The following FHIT variants were observed in gnomAD, a reference collection of about 807,000 sequenced individuals.
The protein encoded by FHIT is bis(5'-adenosyl)-triphosphatase.
FHIT carries 19 observed loss-of-function variants against 17.9 expected under a neutral mutation model. The observed-to-expected ratio is 1.06, with a 90% CI of 0.74 to 1.56. The LOEUF (loss-of-function observed/expected upper bound fraction) is 1.56. Among genes scored for constraint, FHIT ranks in the 40% most tolerant of loss-of-function variants. FHIT has a pLI of 0.00. For synonymous variants in FHIT, 81 were observed against 69.7 expected, an observed-to-expected ratio of 1.16 and a Z score of -0.81; for missense variants, 248 against 189.2, an observed-to-expected ratio of 1.31 and a Z score of -1.82.
At chr3:60,190,687 C>T (rs1559713387) in intron 5 of FHIT, among the ~76,000 whole-genome samples, 1 of 152,006 alleles carries the variant, frequency 6.6e-6, no homozygotes, top group Admixed American at 6.5e-5. Context: ...ATGGGTGCAG[C>T]ACACCAGCAT....
intron 5 of FHIT, among the ~76,000 whole-genome samples, chr3:60,469,099 C>T (rs1186722074): frequency 1.3e-5 from 2 of 151,978 alleles, no homozygotes; most frequent in Non-Finnish European, 2.9e-5. Flanking sequence ...CTTTCTTTAT[C>T]TTTGACCTTT....
intron 7 of FHIT, among the ~76,000 whole-genome samples, chr3:59,970,091 C>G (rs988783259): frequency 6.6e-6 from 1 of 151,990 alleles, no homozygotes; most frequent in South Asian, 2.1e-4. Context: ...AACCATAGTT[C>G]CCAGCTAACA....
At chr3:60,237,988 T>TA (rs199591080) in intron 5 of FHIT, among the ~76,000 whole-genome samples, 1,809 of 150,900 alleles carry the variant, frequency 0.012, 16 homozygotes, top group Middle Eastern at 0.037. Flanking sequence ...ATAATAATAA[T>TA]AAAAAAAATC....
chr3:60,383,998 G>A (rs1700907094), intron 5 of FHIT, among the ~76,000 whole-genome samples: 1 of 152,150 alleles, frequency 6.6e-6, no homozygotes, highest in African/African-American at 2.4e-5. Context: ...GACAGGCGCA[G>A]GTGGCCCATG....
At chr3:61,004,945 T>C (rs2031341497) in intron 3 of FHIT, among the ~76,000 whole-genome samples, 1 of 152,218 alleles carries the variant, frequency 6.6e-6, no homozygotes, top group Non-Finnish European at 1.5e-5. Flanking sequence ...TATTTTTCAT[T>C]ATACAATTCA....
intron 8 of FHIT, among the ~76,000 whole-genome samples, chr3:59,802,919 G>C (rs1025874560): frequency 6.6e-6 from 1 of 152,102 alleles, no homozygotes; most frequent in African/African-American, 2.4e-5. Context: ...TTATTTATTG[G>C]AACACTTTCT....
At chr3:60,833,740 T>C (rs1381735748) in intron 3 of FHIT, among the ~76,000 whole-genome samples, 3 of 152,188 alleles carry the variant, frequency 2.0e-5, no homozygotes, top group African/African-American at 7.2e-5. Flanking sequence ...AAACACAGAA[T>C]GTGTCCATCC....
chr3:61,135,331 T>C (rs914537039), intron 2 of FHIT, among the ~76,000 whole-genome samples: 3 of 152,230 alleles, frequency 2.0e-5, no homozygotes, highest in Non-Finnish European at 4.4e-5. Context: ...GAGAAGGCGT[T>C]GTACTCCTCT....
chr3:61,173,456 T>C (rs951301584), intron 2 of FHIT, among the ~76,000 whole-genome samples: 3 of 152,216 alleles, frequency 2.0e-5, no homozygotes, highest in Non-Finnish European at 4.4e-5. Flanking sequence ...GTATTTATTA[T>C]TGTTAGAATG....
chr3:61,156,917 G>C (rs1289699552), intron 2 of FHIT, among the ~76,000 whole-genome samples: 1 of 152,114 alleles, frequency 6.6e-6, no homozygotes, highest in Non-Finnish European at 1.5e-5. Context: ...TGCAAATACA[G>C]ACTCTTGAGA....
At chr3:60,974,642 A>G (rs954280661) in intron 3 of FHIT, among the ~76,000 whole-genome samples, 1 of 152,208 alleles carries the variant, frequency 6.6e-6, no homozygotes. Context: ...AGCTATACCA[A>G]AAAAGTGTGT....
chr3:61,235,019 T>C (rs745355005), intron 1 of FHIT, among the ~76,000 whole-genome samples: 1 of 152,242 alleles, frequency 6.6e-6, no homozygotes, highest in African/African-American at 2.4e-5. Context: ...CTAATTTGTA[T>C]TGAAATTCAT....
chr3:60,741,501 A>T (rs1358767187), intron 4 of FHIT, among the ~76,000 whole-genome samples: 1 of 152,214 alleles, frequency 6.6e-6, no homozygotes, highest in Non-Finnish European at 1.5e-5. Context: ...CCACAGCTGA[A>T]GCCAATTCTG....
At chr3:60,332,773 A>G (rs1040510075) in intron 5 of FHIT, among the ~76,000 whole-genome samples, 3 of 152,108 alleles carry the variant, frequency 2.0e-5, no homozygotes, top group Non-Finnish European at 4.4e-5. Flanking sequence ...CTCCATCCCT[A>G]TCACAACCAA....
intron 1 of FHIT, among the ~76,000 whole-genome samples, chr3:61,233,621 G>A (rs1053030921): frequency 1.3e-4 from 20 of 152,176 alleles, no homozygotes; most frequent in African/African-American, 4.1e-4. Flanking sequence ...ACACCAATAT[G>A]AGAGTAGTGA....
chr3:60,343,358 G>A (rs376534406), intron 5 of FHIT, among the ~76,000 whole-genome samples: 1 of 152,170 alleles, frequency 6.6e-6, no homozygotes, highest in Non-Finnish European at 1.5e-5. Context: ...CTCCCTAGCA[G>A]TCTCTAAGAT....
chr3:59,787,914 G>A (rs1699383798), intron 8 of FHIT, among the ~76,000 whole-genome samples: 1 of 152,120 alleles, frequency 6.6e-6, no homozygotes, highest in East Asian at 1.9e-4. Flanking sequence ...TACCATCTAT[G>A]TGCTGGATAA....
chr3:59,795,671 G>A (rs1444221698), intron 8 of FHIT, among the ~76,000 whole-genome samples: 5 of 152,062 alleles, frequency 3.3e-5, no homozygotes. Context: ...AGGCTGCGGT[G>A]AGCTATGATT....
rs568949268 is a variant in FHIT, at chr3:60,613,936, C to CA, written c.-17-76958dup. ...GGAAGCAGAGGTGAAAAGAGTATAT[C>CA]AGCTCAACAGGATCAACAAAGTCCA... On this transcript the variant is annotated intron_variant, in intron 4 of 9. Coordinates refer to ENST00000492590, the MANE Select transcript of FHIT (RefSeq NM_002012.4). Among the ~76,000 whole-genome samples, 119 of 152,166 alleles carry CA rather than the reference C, an allele frequency of 7.8e-4. 1 individual carries two copies. Among genetic ancestry groups the CA allele is most frequent in the African/African-American group, 2.7e-3 (114 of 41,542 alleles).
Sources: allele counts gnomAD v4.1 joint callset (sites outside exome capture counted in the v4.1 genomes callset), GRCh38; gene constraint gnomAD v4.1.1; transcripts MANE v1.5; gene names NCBI Gene and HGNC (gene_info 2026-07-23, HGNC 2026-07-21).